Variants in PTPN18 observed in about 807,000 individuals in gnomAD.
PTPN18 encodes tyrosine-protein phosphatase non-receptor type 18.
Under a neutral mutation model 65.4 loss-of-function variants are expected in PTPN18, and 65 were observed. That is an observed-to-expected ratio of 0.99 (90% CI 0.81 to 1.22). The LOEUF is 1.22. Among genes scored for constraint, PTPN18 ranks in the 50% most tolerant of loss-of-function variants. The probability of loss-of-function intolerance (pLI) is 0.00; values close to 1 mark genes in which losing one functional copy is unlikely to be tolerated. For synonymous variants in PTPN18, 255 were observed against 267.8 expected (o/e 0.95, Z 0.47); for missense variants, 616 against 646.5 (o/e 0.95, Z 0.51).
intron 5 of PTPN18, among the ~76,000 whole-genome samples, chr2:130,365,931 T>G (rs1680367458): frequency 6.6e-6 from 1 of 152,254 alleles, no homozygotes; most frequent in Non-Finnish European, 1.5e-5. Flanking sequence ...ATTGATGTGT[T>G]TATCCTTGTG....
rs1432500706 is a variant in PTPN18, at chr2:130,372,514, TCATCCTGCTGTGATCCGCAGGGCGGAAC to T, written c.1240+40_1240+67del. On this transcript the variant is annotated intron_variant, in intron 13 of 14. Coordinates refer to ENST00000175756, the MANE Select transcript of PTPN18 (RefSeq NM_014369.4). ...TCGAGGCTTGCTCCTTCTCAGGGCA[TCATCCTGCTGTGATCCGCAGGGCGGAAC>T]CATCCTGCAGTGGTCCGTCAGGCCC... The T allele has an allele frequency of 4.3e-6, 6 of 1,391,248 alleles. No homozygotes were observed. The East Asian group carries it at 8.6e-5, about 20-fold the overall frequency. 86.2% of individuals were successfully genotyped at this position (1,391,248 alleles called of 1,614,324 possible).
At chr2:130,356,573 C>G (rs894694706) in intron 1 of PTPN18, 2 of 487,778 alleles carry the variant, frequency 4.1e-6, no homozygotes, top group African/African-American at 3.9e-5. Context: ...CCGCTTCTGG[C>G]GACCTGACTG....
At position 130,370,758 on chromosome 2, in the gene PTPN18, G is replaced by A; in HGVS notation, c.810G>A (p.Gln270=). 8 of 1,614,196 alleles carry A rather than the reference G, an allele frequency of 5.0e-6. No homozygotes were observed. Among genetic ancestry groups the A allele is most frequent in the Non-Finnish European group, 6.8e-6 (8 of 1,180,002 alleles). The change falls in exon 10 of 15, where the codon CAG becomes CAA. Residue 270 remains glutamine (Q), a synonymous_variant. Coordinates refer to ENST00000175756, the MANE Select transcript of PTPN18 (RefSeq NM_014369.4). ...ATGTGGTCCTTAAGATGAGGAAGCA[G>A]CGGCCTGCGGCCGTGCAGACAGAGG... ...LFDVVLKMRK[Q]RPAAVQTEEQ...
intron 1 of PTPN18, among the ~76,000 whole-genome samples, chr2:130,358,514 C>A (rs1025982427): frequency 2.0e-5 from 3 of 152,140 alleles, no homozygotes; most frequent in African/African-American, 7.2e-5. Flanking sequence ...CCGAGAGGGT[C>A]TGAGTTCAAC....
intron 7 of PTPN18, 29 bp downstream of exon 7, chr2:130,369,856 G>A: frequency 1.3e-6 from 2 of 1,565,846 alleles, no homozygotes; most frequent in Non-Finnish European, 1.8e-6. Flanking sequence ...AGGAGGTAAA[G>A]GGGCTCCTGA....
At chr2:130,361,662 A>T (rs189534936) in intron 5 of PTPN18, among the ~76,000 whole-genome samples, 1 of 151,236 alleles carries the variant, frequency 6.6e-6, no homozygotes, top group Non-Finnish European at 1.5e-5. Context: ...ATCTTGGCTC[A>T]CTGCAACCTT....
intron 5 of PTPN18, 104 bp downstream of exon 5, chr2:130,359,750 G>A: frequency 1.5e-6 from 2 of 1,368,790 alleles, no homozygotes; most frequent in Non-Finnish European, 1.0e-6. Context: ...AGCTCTTGGA[G>A]TGACCTTATT....
In PTPN18 at chr2:130,372,342, G is replaced by C. The variant is rs984868414; in HGVS notation, c.1099G>C (p.Gly367Arg). Residue 367 changes from glycine (G) to arginine (R), a missense_variant, in exon 13 of 15, where the codon GGG (glycine) becomes CGG (arginine). Gly to Arg is a moderately radical substitution (Grantham distance 125, BLOSUM62 -2). Around this residue, in one of 3 missense-constraint regions of PTPN18, gnomAD observed 368 missense variants for 386.7 expected, o/e 0.95. Transcript: ENST00000175756. The part of the protein sequence containing the change: ...VQKRGAPAGA[G>R]SGTQTGTGTG... ...GAAGCGCGGGGCTCCAGCGGGCGCCGGGAGTGGGACGCAGACGGGGACGGG... is the reference window on the plus strand; with the variant it reads ...GAAGCGCGGGGCTCCAGCGGGCGCCCGGAGTGGGACGCAGACGGGGACGGG... 1.3e-5 allele frequency: 19 copies of C among 1,409,322 alleles called. No individual in the cohort carries two copies. Among genetic ancestry groups the C allele is most frequent in the Non-Finnish European group, 1.7e-5 (19 of 1,091,284 alleles). The allele number at this position is 1,409,322 out of a possible 1,614,324, so 87.3% of individuals were successfully genotyped here.
rs747645639 is a variant in PTPN18 at position 130,370,922 on chromosome 2, C to T, written c.882C>T (p.Ser294=). The part of the protein sequence containing the change: ...LYHTVAQMFC[S]TLQNASPHYQ... ...ACACGGTGGCTCAGATGTTCTGCTCCACACTCCAGAATGCCAGCCCCCACT... is the reference window on the plus strand; with the variant it reads ...ACACGGTGGCTCAGATGTTCTGCTCTACACTCCAGAATGCCAGCCCCCACT... The change falls in exon 11 of 15, where the codon TCC becomes TCT. Residue 294 remains serine (S), a synonymous_variant. Coordinates refer to ENST00000175756, the MANE Select transcript of PTPN18 (RefSeq NM_014369.4). 2.4e-5 allele frequency: 39 copies of T among 1,614,016 alleles called. No individual in the cohort carries two copies. Among genetic ancestry groups the T allele is most frequent in the Non-Finnish European group, 3.2e-5 (38 of 1,180,032 alleles).
At position 130,370,781 on chromosome 2, in the gene PTPN18, A is replaced by C; in HGVS notation, c.833A>C (p.Glu278Ala). Reference sequence around the variant, plus strand: ...CAGCGGCCTGCGGCCGTGCAGACAGAGGTGAACCCTGGGTCTCCTAATCTT... The same window carrying C: ...CAGCGGCCTGCGGCCGTGCAGACAGCGGTGAACCCTGGGTCTCCTAATCTT... ...RKQRPAAVQT[E>A]EQYRFLYHTV... Residue 278 changes from glutamate (E) to alanine (A), a missense_variant and splice_region_variant, in exon 10 of 15, where the codon GAG becomes GCG. Around this residue, in one of 3 missense-constraint regions of PTPN18, gnomAD observed 368 missense variants for 386.7 expected, o/e 0.95. Coordinates refer to ENST00000175756, the MANE Select transcript of PTPN18 (RefSeq NM_014369.4). 4.3e-6 allele frequency: 7 copies of C among 1,614,032 alleles called. No individual in the cohort carries two copies. Among genetic ancestry groups the C allele is most frequent in the Non-Finnish European group, 5.9e-6 (7 of 1,179,904 alleles).
Position 130,370,034 on chromosome 2 carries a change from T to C in PTPN18, c.547-14T>C, listed in dbSNP as rs1573865437. ...TTTTCCTAAGTCTTTTGCTCATCTT[T>C]TTCTGTGTTTCAGGAGTCCCGTTCT... is the stretch of plus-strand genomic sequence containing the variant. On this transcript the variant is annotated splice_polypyrimidine_tract_variant and intron_variant, in intron 7 of 14. Coordinates refer to ENST00000175756, the MANE Select transcript of PTPN18 (RefSeq NM_014369.4). 6.2e-7 allele frequency: 1 copy of C among 1,612,190 alleles called. No homozygotes were observed. The highest frequency in any genetic ancestry group is 1.1e-5 in the South Asian group (1 of 90,812).
Position 130,373,084 on chromosome 2 carries a change from G to C in PTPN18, c.1316-73G>C. ...AGGAGGACCTGGAGGCGGGGGGATG[G>C]CCTTCTTCATGTCTGCCAGCTTCCA... is the stretch of plus-strand genomic sequence containing the variant. On this transcript the variant is annotated intron_variant, in intron 14 of 14. Transcript: ENST00000175756. The surrounding 1 kb of genome is among the most constrained non-coding windows in gnomAD (Gnocchi z 4.1). 1 of 1,542,638 alleles carries C rather than the reference G, an allele frequency of 6.5e-7. No homozygotes were observed. The highest frequency in any genetic ancestry group is 8.8e-7 in the Non-Finnish European group (1 of 1,131,516).
intron 12 of PTPN18, chr2:130,371,980 T>G: frequency 2.4e-6 from 1 of 425,210 alleles, no homozygotes; most frequent in Non-Finnish European, 4.2e-6. Flanking sequence ...TTCCGCATTC[T>G]TTTGTTCAGT....
intron 12 of PTPN18, among the ~76,000 whole-genome samples, chr2:130,371,759 A>C (rs1229660756): frequency 5.3e-5 from 8 of 152,164 alleles, no homozygotes; most frequent in Non-Finnish European, 1.2e-4. Context: ...AGGTTGCAGT[A>C]AGCCGAGATC....
At position 130,374,201 on chromosome 2, in the gene PTPN18, T is replaced by C; in HGVS notation, c.*977T>C. On this transcript the variant is annotated 3_prime_UTR_variant, in exon 15 of 15. Transcript: ENST00000175756. ...CAAATGAGTACACATCTCCAGCTAT[T>C]CAGACAGATGGACCCCCAGCAAATC... 6.1e-6 allele frequency: 1 copy of C among 164,324 alleles called. No individual in the cohort carries two copies. Among genetic ancestry groups the C allele is most frequent in the South Asian group, 1.6e-4 (1 of 6,360 alleles). 10.2% of individuals were successfully genotyped at this position (164,324 alleles called of 1,614,324 possible).
intron 5 of PTPN18, among the ~76,000 whole-genome samples, chr2:130,368,524 T>C (rs1224516236): frequency 6.6e-6 from 1 of 152,230 alleles, no homozygotes; most frequent in East Asian, 1.9e-4. Context: ...AAGGAAATGT[T>C]CATCCTACAG....
chr2:130,356,321 G>A (rs2104919868), intron 1 of PTPN18, 121 bp downstream of exon 1: 2 of 678,670 alleles, frequency 2.9e-6, no homozygotes, highest in Admixed American at 4.2e-5. Context: ...CCCCGCCTCG[G>A]GGGGTCTCTC....
intron 5 of PTPN18, among the ~76,000 whole-genome samples, chr2:130,367,821 A>G (rs925848390): frequency 2.6e-5 from 4 of 152,004 alleles, no homozygotes; most frequent in Non-Finnish European, 5.9e-5. Flanking sequence ...CGAATTTGGG[A>G]AAATTTTCAC....
At chr2:130,362,013 A>T in intron 5 of PTPN18, 1 of 356,296 alleles carries the variant, frequency 2.8e-6, no homozygotes, top group Non-Finnish European at 5.5e-6. Context: ...TTTAAGACAG[A>T]GGGGAATGGA....
Sources: allele counts gnomAD v4.1 joint callset (sites outside exome capture counted in the v4.1 genomes callset), GRCh38; gene constraint gnomAD v4.1.1; regional missense constraint gnomAD v4.1.1; non-coding constraint Gnocchi (gnomAD v3.1); transcripts MANE v1.5; gene names NCBI Gene and HGNC (gene_info 2026-07-23, HGNC 2026-07-21).